The following LEMD3 variants were observed in gnomAD, a reference collection of about 807,000 sequenced individuals.
LEMD3 encodes inner nuclear membrane protein Man1.
A neutral mutation model predicts 95.2 loss-of-function variants in LEMD3; 33 were observed. The observed-to-expected ratio is 0.35, with a 90% CI of 0.26 to 0.46. The LOEUF (loss-of-function observed/expected upper bound fraction) is 0.46, where lower values mean the gene tolerates loss of function less well. LEMD3 is among the 20% of genes least tolerant of loss of function. The pLI, the probability that LEMD3 is intolerant of heterozygous loss-of-function variation, is 1.00. For synonymous variants in LEMD3, 525 were observed against 474.6 expected, an observed-to-expected ratio of 1.11 and a Z score of -1.38; for missense variants, 1,210 against 1,192.8, an observed-to-expected ratio of 1.01 and a Z score of -0.21.
In LEMD3 at chr12:65,227,988, G is replaced by A. The variant is rs773169349; in HGVS notation, c.1695+9369G>A. Reference sequence around the variant, plus strand: ...TCAGTCCATGGAGGTGGAACCCATGGATAAAAGGACTGACTGTACTGTGTT... The same window carrying A: ...TCAGTCCATGGAGGTGGAACCCATGAATAAAAGGACTGACTGTACTGTGTT... On this transcript the variant is annotated intron_variant, in intron 4 of 12. Transcript: ENST00000308330. Among the ~76,000 whole-genome samples, 237 of 152,214 alleles carry A rather than the reference G, an allele frequency of 1.6e-3. 2 individuals are homozygous for A. The highest frequency in any genetic ancestry group is 3.0e-3 in the Non-Finnish European group (203 of 68,012).
intron 3 of LEMD3, among the ~76,000 whole-genome samples, chr12:65,217,064 T>C (rs1870132434): frequency 6.6e-6 from 1 of 152,194 alleles, no homozygotes; most frequent in African/African-American, 2.4e-5. Context: ...TGTAGCATTG[T>C]TTTATCAAGT....
At chr12:65,241,831 A>G (rs1870948366) in intron 9 of LEMD3, among the ~76,000 whole-genome samples, 1 of 152,148 alleles carries the variant, frequency 6.6e-6, no homozygotes, top group African/African-American at 2.4e-5. Context: ...TCTCCAATTA[A>G]TTTTCACTTT....
rs750770845 is a variant in LEMD3 at position 65,243,400 on chromosome 12, A to G, written c.2318A>G (p.Asp773Gly). The G allele has an allele frequency of 3.1e-6, 5 of 1,589,194 alleles. No individual in the cohort carries two copies. The highest frequency in any genetic ancestry group is 1.7e-5 in the Admixed American group (1 of 59,998). ...KVWQGQAFHL[D>G]RRNSPPNSLT... The stretch of plus-strand genomic sequence containing the variant: ...TTGTTTTTTGTAGCATTTCATTTAG[A>G]TAGAAGAAATTCACCACCAAATAGT... Residue 773 changes from aspartate (D) to glycine (G), a missense_variant, in exon 10 of 13, where the codon GAT becomes GGT. By Grantham distance (94) the Asp-to-Gly change is moderately conservative. Transcript: ENST00000308330.
Position 65,195,204 on chromosome 12 carries a change from CACTT to C in LEMD3, c.1523-15717_1523-15714del, listed in dbSNP as rs548606770. Among the ~76,000 whole-genome samples, 995 of 152,174 alleles carry C rather than the reference CACTT, an allele frequency of 6.5e-3. 3 individuals carry two copies. Among genetic ancestry groups the C allele is most frequent in the Non-Finnish European group, 8.8e-3 (598 of 68,002 alleles). Reference sequence around the variant, plus strand: ...GCCAGCTATACTTAATTTACATAAGCACTTACTTTTCTTTAAGCCGATTAAATGG... The same window carrying C: ...GCCAGCTATACTTAATTTACATAAGCACTTTTCTTTAAGCCGATTAAATGG... On this transcript the variant is annotated intron_variant, in intron 1 of 12. Coordinates refer to ENST00000308330, the MANE Select transcript of LEMD3 (RefSeq NM_014319.5).
Position 65,170,481 on chromosome 12 carries a change from C to T in LEMD3, c.885C>T (p.Pro295=), listed in dbSNP as rs976891743. 3 of 1,613,542 alleles carry T rather than the reference C, an allele frequency of 1.9e-6. No individual in the cohort carries two copies. The highest frequency in any genetic ancestry group is 1.3e-5 in the African/African-American group (1 of 74,784). The change falls in exon 1 of 13, where the codon CCC becomes CCT. Residue 295 remains proline (P), a synonymous_variant. Transcript: ENST00000308330. Reference sequence around the variant, plus strand: ...GACGAACCCATAGTAAGCCTCTCCCCCCGCTGACTGCTAAATCGGCCGGCG... The same window carrying T: ...GACGAACCCATAGTAAGCCTCTCCCTCCGCTGACTGCTAAATCGGCCGGCG... ...RPRRTHSKPL[P]PLTAKSAGGR...
At chr12:65,230,586 A>G (rs912338798) in intron 4 of LEMD3, among the ~76,000 whole-genome samples, 1 of 151,734 alleles carries the variant, frequency 6.6e-6, no homozygotes, top group African/African-American at 2.4e-5. Context: ...GGTATATGTT[A>G]CTGATTTTGA....
At chr12:65,240,828 A>T in intron 8 of LEMD3, 81 bp from the exon 9 acceptor site, 1 of 1,231,666 alleles carries the variant, frequency 8.1e-7, no homozygotes, top group Non-Finnish European at 1.2e-6. Flanking sequence ...AGCTAGAGTT[A>T]ACTATTACCT....
At chr12:65,195,556 A>G (rs569536987) in intron 1 of LEMD3, among the ~76,000 whole-genome samples, 3 of 152,092 alleles carry the variant, frequency 2.0e-5, no homozygotes, top group Admixed American at 1.3e-4. Context: ...CTAAATTTGC[A>G]TGTCTAAAGG....
In LEMD3 at chr12:65,245,770, G is replaced by T. The variant is rs774790837; in HGVS notation, c.2489G>T (p.Arg830Leu). 1.2e-5 allele frequency: 19 copies of T among 1,611,080 alleles called. No homozygotes were observed. The highest frequency in any genetic ancestry group is 1.4e-5 in the Non-Finnish European group (17 of 1,177,490). The change falls in exon 11 of 13, where the codon CGT (arginine) becomes CTT (leucine). Residue 830 changes from arginine (R) to leucine (L), a missense_variant. This residue lies in a region of LEMD3 where 461 missense variants were observed against 569.8 expected (regional missense o/e 0.81). Coordinates refer to ENST00000308330, the MANE Select transcript of LEMD3 (RefSeq NM_014319.5). ...CACATTGCAGTAGACAAAAATTCAC[G>T]TGAGGTAAAGTAACTTTTGGTATTG... ...IVHIAVDKNS[R>L]EGCVYVKCLS...
intron 1 of LEMD3, among the ~76,000 whole-genome samples, chr12:65,206,131 C>T (rs763508945): frequency 5.9e-5 from 9 of 152,038 alleles, no homozygotes; most frequent in Non-Finnish European, 1.2e-4. Context: ...GAAACATTCC[C>T]CCTCACCCAC....
intron 1 of LEMD3, among the ~76,000 whole-genome samples, chr12:65,208,504 T>A (rs1160490092): frequency 6.6e-6 from 1 of 152,128 alleles, no homozygotes; most frequent in African/African-American, 2.4e-5. Context: ...GAGGGTGTTA[T>A]ATATTTTCAC....
rs757507566 is a variant in LEMD3, at chr12:65,239,971, G to A, written c.1964G>A (p.Arg655Gln). 12 of 1,612,196 alleles carry A rather than the reference G, an allele frequency of 7.4e-6. No homozygotes were observed. Among genetic ancestry groups the A allele is most frequent in the Non-Finnish European group, 1.0e-5 (12 of 1,178,598 alleles). Residue 655 changes from arginine to glutamine, a missense_variant, in exon 7 of 13, where the codon CGA becomes CAA. Coordinates refer to ENST00000308330, the MANE Select transcript of LEMD3 (RefSeq NM_014319.5). ...VCVVLRYMKY[R>Q]WTKEEEETRQ... ...GTCGTTCTGCGTTACATGAAATATC[G>A]ATGGACAAAAGAAGAGGAGGAAACA...
chr12:65,246,769 C>T lies in LEMD3; in HGVS notation c.*444C>T, dbSNP rs1261183086. ...TAATGTGGTAAAACTGTTGATTTCC[C>T]AATTTAACCTTAGGTTTCTGTTGCT... is the stretch of plus-strand genomic sequence containing the variant. On this transcript the variant is annotated 3_prime_UTR_variant, in exon 13 of 13. Coordinates refer to ENST00000308330, the MANE Select transcript of LEMD3 (RefSeq NM_014319.5). 1 of 167,398 alleles carries T rather than the reference C, an allele frequency of 6.0e-6. No individual in the cohort carries two copies. Among genetic ancestry groups the T allele is most frequent in the African/African-American group, 2.4e-5 (1 of 41,556 alleles). The allele number at this position is 167,398 out of a possible 1,614,324, so 10.4% of individuals were successfully genotyped here.
chr12:65,239,474 G>T (rs142276640), intron 6 of LEMD3, among the ~76,000 whole-genome samples: 74 of 152,250 alleles, frequency 4.9e-4, no homozygotes, highest in Non-Finnish European at 8.4e-4. Flanking sequence ...CTTGAGCCCA[G>T]GAGTTGGAGG....
chr12:65,244,691 T>C (rs1871043234), intron 10 of LEMD3, among the ~76,000 whole-genome samples: 1 of 152,114 alleles, frequency 6.6e-6, no homozygotes, highest in South Asian at 2.1e-4. Flanking sequence ...CTCACACCTA[T>C]AATCCCAGTG....
chr12:65,231,374 A>G (rs1173554997), intron 4 of LEMD3, among the ~76,000 whole-genome samples: 1 of 152,050 alleles, frequency 6.6e-6, no homozygotes, highest in Non-Finnish European at 1.5e-5. Flanking sequence ...AATAATGCTT[A>G]TTTTTTCAAC....
At chr12:65,206,631 A>C (rs1869772396) in intron 1 of LEMD3, among the ~76,000 whole-genome samples, 1 of 152,086 alleles carries the variant, frequency 6.6e-6, no homozygotes, top group Admixed American at 6.6e-5. Flanking sequence ...CCATGGCCTG[A>C]GAGAGAAGGG....
In LEMD3 at chr12:65,240,668, C is replaced by T. The variant is rs1314820644; in HGVS notation, c.2127-241C>T. The stretch of plus-strand genomic sequence containing the variant: ...CCATATCCTGAAGCAGCATCTTGAC[C>T]CTAGCAACACATAAAGCCAGTGGAG... On this transcript the variant is annotated intron_variant, in intron 8 of 12. Coordinates refer to ENST00000308330, the MANE Select transcript of LEMD3 (RefSeq NM_014319.5). 4 of 543,758 alleles carry T rather than the reference C, an allele frequency of 7.4e-6. No homozygotes were observed. The African/African-American group carries it at 7.6e-5, about 10-fold the overall frequency. The allele number at this position is 543,758 out of a possible 1,614,324, so 33.7% of individuals were successfully genotyped here. A position where few individuals can be genotyped will look rare whatever the true frequency, so the allele number is the denominator to read the frequency against.
At chr12:65,228,342 T>C (rs1378851950) in intron 4 of LEMD3, among the ~76,000 whole-genome samples, 1 of 151,280 alleles carries the variant, frequency 6.6e-6, no homozygotes, top group Non-Finnish European at 1.5e-5. Context: ...AAAAAGATAT[T>C]AATGAACTGT....
Sources: allele counts gnomAD v4.1 joint callset (sites outside exome capture counted in the v4.1 genomes callset), GRCh38; gene constraint gnomAD v4.1.1; regional missense constraint gnomAD v4.1.1; transcripts MANE v1.5; gene names NCBI Gene and HGNC (gene_info 2026-07-23, HGNC 2026-07-21).